The following MAST4 variants were observed in gnomAD, a reference collection of about 807,000 sequenced individuals.
MAST4 encodes microtubule associated serine/threonine kinase family member 4.
Under a neutral mutation model 162.7 loss-of-function variants are expected in MAST4, and 89 were observed. The ratio of observed to expected loss-of-function variants is 0.55; its 90% CI spans 0.46 to 0.65. MAST4 has a LOEUF of 0.65. Ranked by LOEUF, MAST4 falls within the 30% of genes least tolerant of loss-of-function variation. The pLI is 0.00. For synonymous variants in MAST4, 1,479 were observed against 1,361.1 expected (o/e 1.09, Z -1.91); for missense variants, 3,153 against 3,374.0 (o/e 0.93, Z 1.62).
intron 1 of MAST4, among the ~76,000 whole-genome samples, chr5:66,722,969 T>C (rs1751307499): frequency 6.6e-6 from 1 of 152,156 alleles, no homozygotes; most frequent in Non-Finnish European, 1.5e-5. Context: ...CCCTCCATTT[T>C]AAATAAAATC....
intron 1 of MAST4, among the ~76,000 whole-genome samples, chr5:66,687,738 G>A (rs1230715194): frequency 6.6e-6 from 1 of 151,878 alleles, no homozygotes; most frequent in African/African-American, 2.4e-5. Flanking sequence ...TGAATCCATG[G>A]CTTTGCTATT....
chr5:67,050,091 A>G (rs114924830), intron 4 of MAST4, among the ~76,000 whole-genome samples: 1 of 152,332 alleles, frequency 6.6e-6, no homozygotes, highest in African/African-American at 2.4e-5. Flanking sequence ...CCTCCAGCTT[A>G]GTAGCCCATA....
intron 3 of MAST4, among the ~76,000 whole-genome samples, chr5:66,877,712 C>T (rs913414770): frequency 2.6e-5 from 4 of 152,154 alleles, no homozygotes; most frequent in South Asian, 2.1e-4. Context: ...AATATGGACT[C>T]CTTAGTGTAC....
chr5:66,998,020 C>T (rs1750867166), intron 4 of MAST4, among the ~76,000 whole-genome samples: 1 of 152,172 alleles, frequency 6.6e-6, no homozygotes, highest in African/African-American at 2.4e-5. Context: ...TTGATGAAAA[C>T]TCATACTTCT....
intron 3 of MAST4, among the ~76,000 whole-genome samples, chr5:66,793,424 A>G (rs1050351398): frequency 2.0e-5 from 3 of 152,192 alleles, no homozygotes; most frequent in African/African-American, 4.8e-5. Context: ...CCCTCCCCAC[A>G]CACATGGGTA....
chr5:66,735,194 AC>A lies in MAST4; in HGVS notation c.364-24514del, dbSNP rs946576959. ...GCCCCAAATTATTTAAACCATTGAA[AC>A]TAATAAGAAGTGCTCAGCTTGCTAT... is the stretch of plus-strand genomic sequence containing the variant. On this transcript the variant is annotated intron_variant, in intron 1 of 28. Transcript: ENST00000403625. Among the ~76,000 whole-genome samples the A allele has an allele frequency of 1.6e-4, 25 of 152,298 alleles. No individual in the cohort carries two copies. In the South Asian group the frequency reaches 2.7e-3, roughly 16 times the overall value.
At chr5:67,017,592 T>C (rs889913083) in intron 4 of MAST4, among the ~76,000 whole-genome samples, 2 of 150,660 alleles carry the variant, frequency 1.3e-5, no homozygotes, top group African/African-American at 4.9e-5. Context: ...TTTCTTTCTT[T>C]CTTTTTTCTT....
chr5:67,141,926 C>G (rs571498656), intron 19 of MAST4, among the ~76,000 whole-genome samples, 189 bp from the exon 20 acceptor site: 1 of 152,300 alleles, frequency 6.6e-6, no homozygotes, highest in South Asian at 2.1e-4. Context: ...TTAGCAACAT[C>G]AAATCTCCTA....
intron 3 of MAST4, among the ~76,000 whole-genome samples, chr5:66,866,655 G>C (rs1289605938): frequency 1.3e-5 from 2 of 152,230 alleles, no homozygotes; most frequent in African/African-American, 4.8e-5. Context: ...GGTTGGGGGT[G>C]AGATATAAAC....
chr5:67,052,926 C>T (rs1196133468), intron 4 of MAST4, among the ~76,000 whole-genome samples: 1 of 152,092 alleles, frequency 6.6e-6, no homozygotes, highest in Non-Finnish European at 1.5e-5. Flanking sequence ...ACACTGAATA[C>T]ATTATACAGT....
At chr5:67,140,523 G>A (rs1002883445) in intron 19 of MAST4, among the ~76,000 whole-genome samples, 3 of 152,234 alleles carry the variant, frequency 2.0e-5, no homozygotes, top group African/African-American at 4.8e-5. Context: ...TGCAAGAGAG[G>A]TGGTGGAGTA....
chr5:67,090,456 C>A (rs909215383), intron 6 of MAST4, among the ~76,000 whole-genome samples: 1 of 109,966 alleles, frequency 9.1e-6, no homozygotes, highest in African/African-American at 3.8e-5. Flanking sequence ...GCTTCTCCCC[C>A]TCCCCGCTTC....
At chr5:66,945,970 G>A (rs992568013) in intron 4 of MAST4, among the ~76,000 whole-genome samples, 5 of 152,116 alleles carry the variant, frequency 3.3e-5, no homozygotes, top group Admixed American at 3.3e-4. Context: ...AGATATTTGT[G>A]TGTTAGGTAG....
chr5:67,022,911 A>C (rs1299130523), intron 4 of MAST4, among the ~76,000 whole-genome samples: 1 of 151,788 alleles, frequency 6.6e-6, no homozygotes, highest in African/African-American at 2.4e-5. Flanking sequence ...CCCCTCTCAC[A>C]CACCTAGAAT....
chr5:67,069,787 A>G (rs892222495), intron 5 of MAST4, among the ~76,000 whole-genome samples: 1 of 152,050 alleles, frequency 6.6e-6, no homozygotes, highest in Non-Finnish European at 1.5e-5. Context: ...CTATTTTTGC[A>G]CATGTGGGAA....
In MAST4 at chr5:67,167,189, A is replaced by G; in HGVS notation, c.*138A>G. 1 of 612,040 alleles carries G rather than the reference A, an allele frequency of 1.6e-6. No individual in the cohort carries two copies. Among genetic ancestry groups the G allele is most frequent in the Non-Finnish European group, 2.4e-6 (1 of 408,506 alleles). The allele number at this position is 612,040 out of a possible 1,614,324, so 37.9% of individuals were successfully genotyped here. On this transcript the variant is annotated 3_prime_UTR_variant, in exon 29 of 29. Transcript: ENST00000403625. The stretch of plus-strand genomic sequence containing the variant: ...GCCTCATTGAGACAGGGGAGAGAGA[A>G]AGACAAAGAGGGGACCTTCTTCCAG...
At chr5:66,675,185 C>G (rs907848950) in intron 1 of MAST4, among the ~76,000 whole-genome samples, 3 of 152,192 alleles carry the variant, frequency 2.0e-5, no homozygotes, top group Admixed American at 6.5e-5. Flanking sequence ...GCTCTAGCTG[C>G]CTGTGTTCTG....
In MAST4 at chr5:67,164,982, C is replaced by T; in HGVS notation, c.5803C>T (p.Pro1935Ser). Residue 1935 changes from proline to serine, a missense_variant, in exon 29 of 29, where the codon CCC (proline) becomes TCC (serine). Coordinates refer to ENST00000403625, the MANE Select transcript of MAST4 (RefSeq NM_001164664.2). This position sits in a 1 kb window ranked among gnomAD's most constrained non-coding sequence, Gnocchi z 5.3. ...TAAACACCAAGACCACACCACTGAC[C>T]CCAAGCTTCTGACCTGCCTGGGGCA... ...SPKHQDHTTD[P>S]KLLTCLGQNL... 1 of 1,613,896 alleles carries T rather than the reference C, an allele frequency of 6.2e-7. No individual in the cohort carries two copies. Among genetic ancestry groups the T allele is most frequent in the Non-Finnish European group, 8.5e-7 (1 of 1,179,854 alleles).
chr5:66,852,432 C>A (rs1759380847), intron 3 of MAST4, among the ~76,000 whole-genome samples: 1 of 152,168 alleles, frequency 6.6e-6, no homozygotes, highest in Non-Finnish European at 1.5e-5. Context: ...AGGTATGAGC[C>A]ACCGTGCCTG....
Sources: gnomAD v4.1 joint callset for allele counts (sites outside exome capture counted in the v4.1 genomes callset) on GRCh38, gnomAD v4.1.1 for gene constraint, Gnocchi (gnomAD v3.1) non-coding constraint, MANE v1.5 for transcripts, NCBI Gene and HGNC (gene_info 2026-07-23, HGNC 2026-07-21) for gene names.